The following CARM1 variants were observed in gnomAD, a reference collection of about 807,000 sequenced individuals.
CARM1 encodes histone-arginine methyltransferase CARM1.
A neutral mutation model predicts 72.7 loss-of-function variants in CARM1; 14 were observed. The observed-to-expected ratio is 0.19, with a 90% CI of 0.13 to 0.30. The LOEUF is 0.30. CARM1 is among the 10% of genes least tolerant of loss of function. CARM1 has a pLI of 1.00. For synonymous variants in CARM1, 333 were observed against 345.5 expected (o/e 0.96, Z 0.40); for missense variants, 432 against 833.7 (o/e 0.52, Z 5.93).
At chr19:10,883,580 TC>T (rs1176681508) in intron 1 of CARM1, among the ~76,000 whole-genome samples, 1 of 152,160 alleles carries the variant, frequency 6.6e-6, no homozygotes, top group African/African-American at 2.4e-5. Flanking sequence ...AGAGACAGGG[TC>T]TTGCTGTGTT....
intron 1 of CARM1, among the ~76,000 whole-genome samples, chr19:10,890,694 T>C (rs547014979): frequency 8.9e-5 from 13 of 146,532 alleles, no homozygotes; most frequent in South Asian, 2.1e-4. Flanking sequence ...TATACACACA[T>C]ATATACACAC....
Position 10,871,583 on chromosome 19 carries a change from AGCGGCAGCGGCGGCGGCG to A in CARM1, c.-114_-97del, listed in dbSNP as rs1202552453. 1.0e-4 allele frequency: 8 copies of A among 76,410 alleles called. No homozygotes were observed. The highest frequency in any genetic ancestry group is 4.9e-4 in the East Asian group (1 of 2,050). 4.7% of individuals were successfully genotyped at this position (76,410 alleles called of 1,614,324 possible). The stretch of plus-strand genomic sequence containing the variant: ...CCTGCACGGCGGCTGCGGCGGCGGT[AGCGGCAGCGGCGGCGGCG>A]GCGGCGGCGGCGGCGGCGGCGGCGG... On this transcript the variant is annotated 5_prime_UTR_variant, in exon 1 of 16. Transcript: ENST00000327064. This position sits in a 1 kb window ranked among gnomAD's most constrained non-coding sequence, Gnocchi z 5.6.
At chr19:10,906,974 T>C (rs2074110497) in intron 2 of CARM1, among the ~76,000 whole-genome samples, 1 of 151,340 alleles carries the variant, frequency 6.6e-6, no homozygotes, top group African/African-American at 2.4e-5. Flanking sequence ...TCACACAATC[T>C]TGGCTCACTG....
rs1568342637 is a variant in CARM1, at chr19:10,871,582, T to TGGCGGCGGCGGCGGC, written c.-121_-120insGGCGGCGGCGGCGGC. 3.4e-5 allele frequency: 3 copies of TGGCGGCGGCGGCGGC among 88,364 alleles called. No homozygotes were observed. The highest frequency in any genetic ancestry group is 1.4e-4 in the African/African-American group (3 of 21,212). 5.5% of individuals were successfully genotyped at this position (88,364 alleles called of 1,614,324 possible). A position where few individuals can be genotyped will look rare whatever the true frequency, so the allele number is the denominator to read the frequency against. ...GCCTGCACGGCGGCTGCGGCGGCGG[T>TGGCGGCGGCGGCGGC]AGCGGCAGCGGCGGCGGCGGCGGCG... On this transcript the variant is annotated 5_prime_UTR_variant, in exon 1 of 16. Coordinates refer to ENST00000327064, the MANE Select transcript of CARM1 (RefSeq NM_199141.2). This position sits in a 1 kb window ranked among gnomAD's most constrained non-coding sequence, Gnocchi z 5.6.
chr19:10,898,996 G>A (rs928508757), intron 1 of CARM1, among the ~76,000 whole-genome samples: 13 of 151,996 alleles, frequency 8.6e-5, no homozygotes, highest in Non-Finnish European at 1.9e-4. Context: ...AGAGGCTCGG[G>A]AGTCTCCTGA....
rs1232603630 is a variant in CARM1, at chr19:10,920,323, C to T, written c.1197-113C>T. On this transcript the variant is annotated intron_variant, in intron 10 of 15. Transcript: ENST00000327064. This position sits in a 1 kb window ranked among gnomAD's most constrained non-coding sequence, Gnocchi z 5.3. The stretch of plus-strand genomic sequence containing the variant: ...CCAGCCTGTCTCTGCTCCAGGGTCC[C>T]AGGGGTCCCTGGCAGAGGGGGCAGG... The T allele has an allele frequency of 7.7e-7, 1 of 1,300,944 alleles. No homozygotes were observed. Among genetic ancestry groups the T allele is most frequent in the Non-Finnish European group, 1.1e-6 (1 of 951,250 alleles). The allele number at this position is 1,300,944 out of a possible 1,614,324, so 80.6% of individuals were successfully genotyped here. A position where few individuals can be genotyped will look rare whatever the true frequency, so the allele number is the denominator to read the frequency against.
intron 9 of CARM1, 93 bp downstream of exon 9, chr19:10,919,773 C>A: frequency 6.7e-7 from 1 of 1,496,700 alleles, no homozygotes; most frequent in Non-Finnish European, 9.3e-7. Flanking sequence ...CGTCCCAGGG[C>A]AGATGGTGGG....
chr19:10,873,797 G>A (rs1278129299), intron 1 of CARM1, among the ~76,000 whole-genome samples: 2 of 151,494 alleles, frequency 1.3e-5, no homozygotes, highest in African/African-American at 4.8e-5. Flanking sequence ...CTGCCGCCAT[G>A]CCCGGCTAAT....
intron 1 of CARM1, among the ~76,000 whole-genome samples, chr19:10,897,769 C>T (rs541574279): frequency 6.6e-6 from 1 of 152,220 alleles, no homozygotes; most frequent in African/African-American, 2.4e-5. Flanking sequence ...GGGTGAATCA[C>T]CTGAGATCAG....
intron 1 of CARM1, among the ~76,000 whole-genome samples, chr19:10,887,802 A>G (rs986647131): frequency 8.5e-5 from 13 of 152,158 alleles, no homozygotes; most frequent in Middle Eastern, 3.2e-3. Flanking sequence ...GCCCCAGGGC[A>G]GCTTCTCCCT....
chr19:10,910,194 C>G (rs767705253), intron 4 of CARM1, among the ~76,000 whole-genome samples: 1 of 151,406 alleles, frequency 6.6e-6, no homozygotes, highest in Admixed American at 6.6e-5. Context: ...AAGTAGAAAT[C>G]GGCCAGGCAC....
At chr19:10,874,993 C>T (rs2073851945) in intron 1 of CARM1, among the ~76,000 whole-genome samples, 2 of 149,756 alleles carry the variant, frequency 1.3e-5, no homozygotes, top group African/African-American at 4.9e-5. Context: ...CACTGCATGT[C>T]AGCCTGGGTG....
In CARM1 at chr19:10,888,550, GAAGA is replaced by G. The variant is rs555826445; in HGVS notation, c.221-16396_221-16393del. Among the ~76,000 whole-genome samples the G allele has an allele frequency of 2.3e-3, 357 of 152,330 alleles. 1 individual carries two copies. The highest frequency in any genetic ancestry group is 4.0e-3 in the Non-Finnish European group (275 of 68,038). On this transcript the variant is annotated intron_variant, in intron 1 of 15. Coordinates refer to ENST00000327064, the MANE Select transcript of CARM1 (RefSeq NM_199141.2). The stretch of plus-strand genomic sequence containing the variant: ...AGCTTCAAAGTCTTGGCCCGCGGGA[GAAGA>G]AAGACTGGGCGAGCTGGCCCAGCAG...
chr19:10,898,551 C>G lies in CARM1; in HGVS notation c.221-6400C>G, dbSNP rs144820801. Among the ~76,000 whole-genome samples the G allele has an allele frequency of 2.2e-3, 334 of 152,348 alleles. 14 individuals carry two copies. In the East Asian group the frequency reaches 0.06, roughly 27 times the overall value. ...CTTTCTGAATCCTGGGGTCCTGCCC[C>G]CTTCCGCGGCTCCCATACTGCTCCT... On this transcript the variant is annotated intron_variant, in intron 1 of 15. Coordinates refer to ENST00000327064, the MANE Select transcript of CARM1 (RefSeq NM_199141.2).
intron 1 of CARM1, among the ~76,000 whole-genome samples, chr19:10,874,360 TG>T (rs1208200954): frequency 3.3e-5 from 5 of 152,100 alleles, no homozygotes; most frequent in Non-Finnish European, 4.4e-5. Flanking sequence ...TACACTTTTT[TG>T]TTTTTTTTCT....
In CARM1 at chr19:10,916,792, C is replaced by T. The variant is rs773372408; in HGVS notation, c.1020+15C>T. 11 of 1,531,174 alleles carry T rather than the reference C, an allele frequency of 7.2e-6. No individual in the cohort carries two copies. In the South Asian group the frequency reaches 1.3e-4, roughly 18 times the overall value. The allele number at this position is 1,531,174 out of a possible 1,614,324, so 94.8% of individuals were successfully genotyped here. A position where few individuals can be genotyped will look rare whatever the true frequency, so the allele number is the denominator to read the frequency against. On this transcript the variant is annotated intron_variant, in intron 8 of 15. Transcript: ENST00000327064. The surrounding 1 kb of genome is among the most constrained non-coding windows in gnomAD (Gnocchi z 4.4). ...AGCCTGTGGTGGTGAGTAGGGCCTCCAGGGTACTGCTGCAGTGATCACTTG... is the reference window on the plus strand; with the variant it reads ...AGCCTGTGGTGGTGAGTAGGGCCTCTAGGGTACTGCTGCAGTGATCACTTG...
chr19:10,872,709 C>A (rs915074811), intron 1 of CARM1, among the ~76,000 whole-genome samples: 1 of 152,154 alleles, frequency 6.6e-6, no homozygotes, highest in Admixed American at 6.6e-5. Flanking sequence ...ATCACAAATG[C>A]GTTTGCCAGC....
intron 1 of CARM1, among the ~76,000 whole-genome samples, chr19:10,897,887 C>A (rs2074035367): frequency 6.6e-6 from 1 of 152,050 alleles, no homozygotes; most frequent in African/African-American, 2.4e-5. Context: ...AGGCGGATCA[C>A]GAGGTCAGGA....
chr19:10,899,060 T>C (rs2074044855), intron 1 of CARM1, among the ~76,000 whole-genome samples: 1 of 147,030 alleles, frequency 6.8e-6, no homozygotes, highest in African/African-American at 2.5e-5. Flanking sequence ...TTTTGGTTTG[T>C]CAGTATTTCC....
Sources: gnomAD v4.1 joint callset for allele counts (sites outside exome capture counted in the v4.1 genomes callset) on GRCh38, gnomAD v4.1.1 for gene constraint, Gnocchi (gnomAD v3.1) non-coding constraint, MANE v1.5 for transcripts, NCBI Gene and HGNC (gene_info 2026-07-23, HGNC 2026-07-21) for gene names.